SLC5A7: variants seen among roughly 807,000 people sequenced by gnomAD.
SLC5A7 encodes the protein solute carrier family 5 member 7.
SLC5A7 carries 19 observed loss-of-function variants against 55.4 expected under a neutral mutation model. The ratio of observed to expected loss-of-function variants is 0.34; its 90% CI spans 0.24 to 0.50. SLC5A7 has a LOEUF of 0.50. SLC5A7 is among the 20% of genes least tolerant of loss of function. The pLI, the probability that SLC5A7 is intolerant of heterozygous loss-of-function variation, is 0.98. For synonymous variants in SLC5A7, 265 were observed against 263.7 expected (o/e 1.00, Z -0.05); for missense variants, 506 against 705.3 (o/e 0.72, Z 3.20).
At chr2:107,995,466 A>AGTGT (rs1428541581) in intron 4 of SLC5A7, among the ~76,000 whole-genome samples, 158 of 127,452 alleles carry the variant, frequency 1.2e-3, no homozygotes, top group African/African-American at 3.5e-3. Flanking sequence ...AGAGAGAGAG[A>AGTGT]GAGAGTGTGT....
At chr2:108,001,758 A>T in intron 5 of SLC5A7, 139 bp from the exon 6 acceptor site, 1 of 771,412 alleles carries the variant, frequency 1.3e-6, no homozygotes, top group South Asian at 2.5e-5. Context: ...AACAAAAAAC[A>T]GAGAACATGA....
chr2:107,989,743 C>A (rs1258546145), intron 2 of SLC5A7, among the ~76,000 whole-genome samples: 1 of 152,142 alleles, frequency 6.6e-6, no homozygotes, highest in African/African-American at 2.4e-5. Flanking sequence ...GTAAACACTG[C>A]AGAAAGAATA....
intron 7 of SLC5A7, among the ~76,000 whole-genome samples, chr2:108,007,035 G>GTA (rs1189175812): frequency 6.6e-6 from 1 of 152,176 alleles, no homozygotes; most frequent in African/African-American, 2.4e-5. Context: ...TAGCCTCTAT[G>GTA]TAGAACATGT....
At position 108,013,655 on chromosome 2, in the gene SLC5A7, G is replaced by T. The variant is rs920048633; in HGVS notation, c.*2794G>T. On this transcript the variant is annotated 3_prime_UTR_variant, in exon 9 of 9. Transcript: ENST00000264047. ...AAATAAACGAAACATTTAGACAATG[G>T]CTATATTAATCTGGGAAGGCAACAC... The T allele has an allele frequency of 6.6e-6, 1 of 152,084 alleles. No individual in the cohort carries two copies. The highest frequency in any genetic ancestry group is 1.9e-4 in the East Asian group (1 of 5,188). 9.4% of individuals were successfully genotyped at this position (152,084 alleles called of 1,614,324 possible).
At chr2:107,995,013 GT>G (rs1452367577) in intron 4 of SLC5A7, among the ~76,000 whole-genome samples, 1 of 152,204 alleles carries the variant, frequency 6.6e-6, no homozygotes, top group African/African-American at 2.4e-5. Context: ...GTCTGTGTTT[GT>G]GCCTGTATTA....
At chr2:108,007,767 C>T (rs989562532) in intron 7 of SLC5A7, among the ~76,000 whole-genome samples, 2 of 152,196 alleles carry the variant, frequency 1.3e-5, no homozygotes, top group South Asian at 2.1e-4. Context: ...AATAAAAAGC[C>T]GACTATGCTA....
intron 5 of SLC5A7, among the ~76,000 whole-genome samples, chr2:107,999,791 T>A (rs1051054552): frequency 6.6e-6 from 1 of 152,150 alleles, no homozygotes; most frequent in African/African-American, 2.4e-5. Flanking sequence ...TCTCTCCTTC[T>A]TGTAAGGGTT....
intron 4 of SLC5A7, among the ~76,000 whole-genome samples, chr2:107,995,837 C>G (rs565765241): frequency 6.6e-6 from 1 of 152,166 alleles, no homozygotes; most frequent in South Asian, 2.1e-4. Context: ...AGCTCAAGTT[C>G]AGTGGATTTT....
chr2:107,994,312 G>T (rs768125411), intron 4 of SLC5A7, among the ~76,000 whole-genome samples: 1 of 152,190 alleles, frequency 6.6e-6, no homozygotes, highest in Non-Finnish European at 1.5e-5. Flanking sequence ...GGCCGGGCGC[G>T]GTGGCTCACG....
In SLC5A7 at chr2:107,988,272, C is replaced by G; in HGVS notation, c.117C>G (p.Ser39Arg). Residue 39 changes from serine to arginine, a missense_variant, in exon 2 of 9, where the codon AGC becomes AGG. Ser to Arg is a moderately radical substitution (Grantham distance 110). Transcript: ENST00000264047. ...ACAGTGGCAGCGCAGAAGAGCGCAG[C>G]GAAGCCATCATAGTTGGTGGCCGAG... ...TKNSGSAEER[S>R]EAIIVGGRDI... The G allele has an allele frequency of 6.2e-7, 1 of 1,614,114 alleles. No homozygotes were observed. Among genetic ancestry groups the G allele is most frequent in the Non-Finnish European group, 8.5e-7 (1 of 1,179,978 alleles).
At position 108,008,651 on chromosome 2, in the gene SLC5A7, G is replaced by A. The variant is rs147656110; in HGVS notation, c.1082G>A (p.Arg361Gln). The A allele has an allele frequency of 5.0e-6, 8 of 1,612,860 alleles. No individual in the cohort carries two copies. The highest frequency in any genetic ancestry group is 1.3e-5 in the African/African-American group (1 of 74,666). ...TTGTCAGCAAGTTCCATGTTTGCACGGAACATCTACCAGCTTTCCTTCAGA... is the reference window on the plus strand; with the variant it reads ...TTGTCAGCAAGTTCCATGTTTGCACAGAACATCTACCAGCTTTCCTTCAGA... ...SILSASSMFA[R>Q]NIYQLSFRQN... The change falls in exon 8 of 9, where the codon CGG becomes CAG. Residue 361 changes from arginine to glutamine, a missense_variant. This residue lies in a region of SLC5A7 where 309 missense variants were observed against 478.6 expected (regional missense o/e 0.65). Transcript: ENST00000264047.
At chr2:107,995,583 C>G (rs1183393175) in intron 4 of SLC5A7, among the ~76,000 whole-genome samples, 1 of 151,780 alleles carries the variant, frequency 6.6e-6, no homozygotes, top group African/African-American at 2.4e-5. Flanking sequence ...GCAGTATACC[C>G]AGGTAACATC....
At chr2:107,997,738 G>A in intron 4 of SLC5A7, 100 bp from the exon 5 acceptor site, 2 of 1,217,074 alleles carry the variant, frequency 1.6e-6, no homozygotes, top group Non-Finnish European at 2.2e-6. Context: ...ATATGACAGA[G>A]AGAAAAATGT....
intron 2 of SLC5A7, among the ~76,000 whole-genome samples, chr2:107,988,894 CA>C (rs1677342346): frequency 6.6e-6 from 1 of 152,136 alleles, no homozygotes; most frequent in Non-Finnish European, 1.5e-5. Flanking sequence ...CACAGGAAGA[CA>C]ATCACATGTT....
At chr2:108,004,241 G>A (rs1678022855) in intron 6 of SLC5A7, among the ~76,000 whole-genome samples, 1 of 152,110 alleles carries the variant, frequency 6.6e-6, no homozygotes, top group Admixed American at 6.5e-5. Flanking sequence ...AATTTATGAT[G>A]TATCAATCCA....
At position 108,006,269 on chromosome 2, in the gene SLC5A7, G is replaced by A. The variant is rs561703169; in HGVS notation, c.895+67G>A. On this transcript the variant is annotated intron_variant, in intron 7 of 8. Transcript: ENST00000264047. Reference sequence around the variant, plus strand: ...CCAATCCCCACCCAGACACCCTTCTGTCCCACTCCCCTCTTTCCTCCACAT... The same window carrying A: ...CCAATCCCCACCCAGACACCCTTCTATCCCACTCCCCTCTTTCCTCCACAT... The A allele has an allele frequency of 1.9e-6, 3 of 1,566,330 alleles. No homozygotes were observed. In the African/African-American group the frequency reaches 4.1e-5, roughly 21 times the overall value.
In SLC5A7 at chr2:107,988,181, T is replaced by G. The variant is rs543338077; in HGVS notation, c.26T>G (p.Ile9Arg). The G allele has an allele frequency of 6.2e-7, 1 of 1,614,020 alleles. No individual in the cohort carries two copies. The highest frequency in any genetic ancestry group is 1.1e-5 in the South Asian group (1 of 91,056). ...ATGGCTTTCCATGTGGAAGGACTGA[T>G]AGCTATCATCGTGTTCTACCTTCTA... Reference protein sequence around the residue: MAFHVEGLIAIIVFYLLIL... With the variant: MAFHVEGLRAIIVFYLLIL... The change falls in exon 2 of 9, where the codon ATA becomes AGA. Residue 9 changes from isoleucine (I) to arginine (R), a missense_variant. Around this residue, in one of 4 missense-constraint regions of SLC5A7, gnomAD observed 56 missense variants for 62.6 expected, o/e 0.89. Transcript: ENST00000264047.
At chr2:107,996,782 T>C (rs2104351747) in intron 4 of SLC5A7, among the ~76,000 whole-genome samples, 1 of 152,342 alleles carries the variant, frequency 6.6e-6, no homozygotes, top group South Asian at 2.1e-4. Context: ...ATTTGATTTC[T>C]AAGAGAAGTT....
At chr2:107,994,796 A>G (rs1383706777) in intron 4 of SLC5A7, among the ~76,000 whole-genome samples, 1 of 152,166 alleles carries the variant, frequency 6.6e-6, no homozygotes, top group Non-Finnish European at 1.5e-5. Flanking sequence ...TTTAAGAACA[A>G]ATTACCTGCT....
Sources: gnomAD v4.1 joint callset for allele counts (sites outside exome capture counted in the v4.1 genomes callset) on GRCh38, gnomAD v4.1.1 for gene constraint, gnomAD v4.1.1 regional missense constraint, MANE v1.5 for transcripts, NCBI Gene and HGNC (gene_info 2026-07-23, HGNC 2026-07-21) for gene names.